Variants in SPATC1 observed in about 807,000 individuals in gnomAD.
SPATC1 encodes the protein spermatogenesis and centriole associated 1, also known as speriolin.
SPATC1 carries 35 observed loss-of-function variants against 36.5 expected under a neutral mutation model. The ratio of observed to expected loss-of-function variants is 0.96; its 90% CI spans 0.73 to 1.27. The LOEUF (loss-of-function observed/expected upper bound fraction) is 1.27. Among genes scored for constraint, SPATC1 ranks in the 50% most tolerant of loss-of-function variants. The probability of loss-of-function intolerance (pLI) is 0.00; values close to 1 mark genes in which losing one functional copy is unlikely to be tolerated. For missense variants in SPATC1, 779 were observed against 796.0 expected (o/e 0.98, Z 0.26); for synonymous variants, 361 against 353.6 (o/e 1.02, Z -0.24).
intron 1 of SPATC1, among the ~76,000 whole-genome samples, chr8:144,023,612 G>A (rs1345176083): frequency 1.3e-5 from 1 of 75,110 alleles, no homozygotes. Context: ...CCCTGAAAAC[G>A]CTCTTCCCTC....
intron 1 of SPATC1, among the ~76,000 whole-genome samples, chr8:144,021,094 A>ACCCTC (rs1834516828): frequency 2.1e-3 from 1 of 482 alleles, no homozygotes; most frequent in Non-Finnish European, 3.3e-3. Context: ...CCAGGACCCC[A>ACCCTC]TCCCCTCATA....
chr8:144,031,710 T>G (rs1373305499), intron 1 of SPATC1, among the ~76,000 whole-genome samples: 211 of 150,694 alleles, frequency 1.4e-3, no homozygotes, highest in African/African-American at 5.0e-3. Context: ...TTTTTCTTTT[T>G]TTTTCTTTCT....
chr8:144,040,420 G>GACCCAGT lies in SPATC1; in HGVS notation c.723_724insACCCAGT (p.Pro242ThrfsTer22). The GACCCAGT allele has an allele frequency of 6.2e-7, 1 of 1,609,142 alleles. No homozygotes were observed. Among genetic ancestry groups the GACCCAGT allele is most frequent in the Non-Finnish European group, 8.5e-7 (1 of 1,178,440 alleles). On this transcript the variant is annotated frameshift_variant, in exon 2 of 5. Transcript: ENST00000377470. LOFTEE classifies it high-confidence loss of function. ...AGCCACTCCGCGGAGGCCCCACTGGGCCCCAGTCCCCAGCTTGCGTGGTAC... is the reference window on the plus strand; with the variant it reads ...AGCCACTCCGCGGAGGCCCCACTGGGACCCAGTCCCCAGTCCCCAGCTTGCGTGGTAC...
At chr8:144,041,505 T>C in intron 4 of SPATC1, 134 bp downstream of exon 4, 1 of 1,167,870 alleles carries the variant, frequency 8.6e-7, no homozygotes, top group Non-Finnish European at 1.2e-6. Context: ...GACTGCTCAG[T>C]GCCAACGGCC....
At chr8:144,017,057 T>C (rs1554753339) in intron 1 of SPATC1, among the ~76,000 whole-genome samples, 1 of 152,206 alleles carries the variant, frequency 6.6e-6, no homozygotes, top group African/African-American at 2.4e-5. Context: ...TGGATTAGAC[T>C]GAGGCTGTTG....
Position 144,039,991 on chromosome 8 carries a change from C to A in SPATC1, c.294C>A (p.Ala98=). Residue 98 remains alanine, a synonymous_variant, in exon 2 of 5, where the codon GCC becomes GCA. Transcript: ENST00000377470. ...EVGIMALAPL[A]EMLTSLQPSA... ...GGATCATGGCCTTGGCACCCCTGGC[C>A]GAGATGCTAACCAGCTTGCAGCCCA... 1 of 1,613,938 alleles carries A rather than the reference C, an allele frequency of 6.2e-7. No homozygotes were observed. Among genetic ancestry groups the A allele is most frequent in the East Asian group, 2.2e-5 (1 of 44,868 alleles).
chr8:144,024,155 C>A (rs1440891781), intron 1 of SPATC1, among the ~76,000 whole-genome samples: 1 of 57,804 alleles, frequency 1.7e-5, no homozygotes, highest in African/African-American at 6.8e-5. Flanking sequence ...GACCATCTTT[C>A]CCCAGGACCC....
chr8:144,022,724 A>AGGATGGATC, intron 1 of SPATC1, among the ~76,000 whole-genome samples: 1 of 104,452 alleles, frequency 9.6e-6, no homozygotes, highest in East Asian at 2.9e-4. Flanking sequence ...CCCTGAGGAA[A>AGGATGGATC]CTCTCCCCTC....
In SPATC1 at chr8:144,046,584, A is replaced by T. The variant is rs376747348; in HGVS notation, c.1447-43A>T. 1.3e-6 allele frequency: 2 copies of T among 1,550,526 alleles called. No homozygotes were observed. The highest frequency in any genetic ancestry group is 1.7e-5 in the Admixed American group (1 of 58,484). ...CTTCCCCTTACCTGCCTGTGTGTGGAGGTGTGGCAAGGGAGGGTCCCTGAT... is the reference window on the plus strand; with the variant it reads ...CTTCCCCTTACCTGCCTGTGTGTGGTGGTGTGGCAAGGGAGGGTCCCTGAT... On this transcript the variant is annotated intron_variant, in intron 4 of 4. Coordinates refer to ENST00000377470, the MANE Select transcript of SPATC1 (RefSeq NM_198572.3). The surrounding 1 kb of genome is among the most constrained non-coding windows in gnomAD (Gnocchi z 6.6).
In SPATC1 at chr8:144,012,418, T is replaced by G. The variant is rs1834295367; in HGVS notation, c.-98T>G. On this transcript the variant is annotated 5_prime_UTR_variant, in exon 1 of 5. Transcript: ENST00000377470. ...GGCCCACTGGGCCAGCCTTGCAGACTCTGCACCCTCCTTCAGCCCAGGCAA... is the reference window on the plus strand; with the variant it reads ...GGCCCACTGGGCCAGCCTTGCAGACGCTGCACCCTCCTTCAGCCCAGGCAA... 14 of 1,082,976 alleles carry G rather than the reference T, an allele frequency of 1.3e-5. No individual in the cohort carries two copies. In the South Asian group the frequency reaches 1.8e-4, roughly 14 times the overall value. 67.1% of individuals were successfully genotyped at this position (1,082,976 alleles called of 1,614,324 possible). A position where few individuals can be genotyped will look rare whatever the true frequency, so the allele number is the denominator to read the frequency against.
intron 1 of SPATC1, among the ~76,000 whole-genome samples, chr8:144,033,162 G>A (rs951457576): frequency 7.2e-5 from 11 of 152,198 alleles, no homozygotes; most frequent in Admixed American, 2.0e-4. Context: ...TTGAGAGACC[G>A]TGGCAGGCGG....
chr8:144,017,689 A>C (rs533948222), intron 1 of SPATC1, among the ~76,000 whole-genome samples: 1 of 152,136 alleles, frequency 6.6e-6, no homozygotes, highest in Non-Finnish European at 1.5e-5. Flanking sequence ...GTTGTTACAA[A>C]GGTTTATTTG....
chr8:144,044,468 A>AT (rs541301271), intron 4 of SPATC1, among the ~76,000 whole-genome samples: 4,497 of 139,850 alleles, frequency 0.032, 170 homozygotes, highest in African/African-American at 0.086. Context: ...CGCCCAGCTA[A>AT]TTTTTTTTTT....
intron 1 of SPATC1, among the ~76,000 whole-genome samples, chr8:144,025,839 C>A (rs1834666854): frequency 6.6e-6 from 1 of 151,454 alleles, no homozygotes; most frequent in African/African-American, 2.5e-5. Flanking sequence ...CAGGTGTGCA[C>A]TAGCTTGGCC....
chr8:144,018,497 G>A (rs950845314), intron 1 of SPATC1, among the ~76,000 whole-genome samples: 5,305 of 152,162 alleles, frequency 0.035, 338 homozygotes, highest in African/African-American at 0.12. Context: ...GGAAAGAAGA[G>A]GCCAGGAGAG....
chr8:144,035,551 TCA>T (rs1455975460), intron 1 of SPATC1, among the ~76,000 whole-genome samples: 2 of 152,232 alleles, frequency 1.3e-5, no homozygotes, highest in African/African-American at 4.8e-5. Context: ...AATTGCTCCC[TCA>T]GTTACCTTCT....
At chr8:144,038,863 C>T (rs1564276446) in intron 1 of SPATC1, among the ~76,000 whole-genome samples, 5 of 152,132 alleles carry the variant, frequency 3.3e-5, no homozygotes. Context: ...CTGAAGGCAA[C>T]GGCAGGCTTG....
At chr8:144,021,310 T>A (rs1390184030) in intron 1 of SPATC1, among the ~76,000 whole-genome samples, 3 of 146,504 alleles carry the variant, frequency 2.0e-5, no homozygotes, top group Non-Finnish European at 4.6e-5. Context: ...CCCTCTTCCC[T>A]CATGACCCTC....
chr8:144,046,818 C>T lies in SPATC1; in HGVS notation c.1638C>T (p.Gly546=), dbSNP rs149191984. 3.4e-4 allele frequency: 549 copies of T among 1,604,686 alleles called. 1 individual carries two copies. Among genetic ancestry groups the T allele is most frequent in the Non-Finnish European group, 4.2e-4 (498 of 1,179,912 alleles). ...GCCCGGAGCTGGCGGCGTCTGAGGG[C>T]GGCCCCTACACCGTGGACTTCCTGC... is the stretch of plus-strand genomic sequence containing the variant. ...RERPELAASE[G]GPYTVDFLQR... The change falls in exon 5 of 5, where the codon GGC becomes GGT. Residue 546 remains glycine, a synonymous_variant. Coordinates refer to ENST00000377470, the MANE Select transcript of SPATC1 (RefSeq NM_198572.3). The surrounding 1 kb of genome is among the most constrained non-coding windows in gnomAD (Gnocchi z 6.6).
Sources: allele counts gnomAD v4.1 joint callset (sites outside exome capture counted in the v4.1 genomes callset), GRCh38; gene constraint gnomAD v4.1.1; non-coding constraint Gnocchi (gnomAD v3.1); transcripts MANE v1.5; gene names NCBI Gene and HGNC (gene_info 2026-07-23, HGNC 2026-07-21).